FUS: variants seen among roughly 807,000 people sequenced by gnomAD.
FUS encodes FUS RNA binding protein.
A neutral mutation model predicts 82.7 loss-of-function variants in FUS; 5 were observed. The observed-to-expected ratio is 0.06, with a 90% confidence interval of 0.03 to 0.13. FUS has a LOEUF of 0.13. FUS is among the 10% of genes least tolerant of loss of function. The pLI, the probability that FUS is intolerant of heterozygous loss-of-function variation, is 1.00. For missense variants in FUS, 512 were observed against 707.8 expected (o/e 0.72, Z 3.14); for synonymous variants, 281 against 247.4 (o/e 1.14, Z -1.27).
chr16:31,189,884 T>G, intron 10 of FUS, 90 bp downstream of exon 10: 1 of 1,604,888 alleles, frequency 6.2e-7, no homozygotes. Flanking sequence ...TTCTTTTGAG[T>G]CTTCCAACAC....
intron 6 of FUS, 92 bp from the exon 7 acceptor site, chr16:31,186,710 C>T (rs1323821356): frequency 7.4e-6 from 9 of 1,217,886 alleles, no homozygotes; most frequent in South Asian, 7.3e-5. Context: ...AAAACACCTA[C>T]CCATGTTTGG....
In FUS at chr16:31,182,766, G is replaced by A. The variant is rs763161719; in HGVS notation, c.190+102G>A. Reference sequence around the variant, plus strand: ...GAGTCTGGTCCTGTTGCCCAGGCTGGAGTGCAGTGGTGCTGTCTCAGCTCA... The same window carrying A: ...GAGTCTGGTCCTGTTGCCCAGGCTGAAGTGCAGTGGTGCTGTCTCAGCTCA... On this transcript the variant is annotated intron_variant, in intron 3 of 14. Coordinates refer to ENST00000254108, the MANE Select transcript of FUS (RefSeq NM_004960.4). 2.8e-6 allele frequency: 4 copies of A among 1,420,980 alleles called. No homozygotes were observed. The South Asian group carries it at 3.5e-5, about 12-fold the overall frequency. 88.0% of individuals were successfully genotyped at this position (1,420,980 alleles called of 1,614,324 possible).
chr16:31,188,542 C>CT (rs1390818120), intron 8 of FUS, 185 bp downstream of exon 8: 1 of 692,598 alleles, frequency 1.4e-6, no homozygotes. Context: ...AAATACCTGG[C>CT]TTGTGGGTTC....
rs775706022 is a variant in FUS at position 31,189,833 on chromosome 16, A to G, written c.1066+39A>G. ...GGCTGGCAGAGGTGGGGCTGGGGAT[A>G]TAGGGCAGCAAGCCTTAGGAAACAA... On this transcript the variant is annotated intron_variant, in intron 10 of 14. Coordinates refer to ENST00000254108, the MANE Select transcript of FUS (RefSeq NM_004960.4). 2.5e-6 allele frequency: 4 copies of G among 1,613,406 alleles called. No homozygotes were observed. The South Asian group carries it at 3.3e-5, about 13-fold the overall frequency.
chr16:31,189,271 T>G (rs2079316595), intron 9 of FUS, 45 bp downstream of exon 9: 2 of 1,374,224 alleles, frequency 1.5e-6, no homozygotes, highest in Non-Finnish European at 2.1e-6. Flanking sequence ...TGTTGTAGGC[T>G]TGTGGATTTC....
rs2079251532 is a variant in FUS at position 31,185,292 on chromosome 16, C to T, written c.764+113C>T. The stretch of plus-strand genomic sequence containing the variant: ...TTTAGTATTCTTGTTGTCTAGGGAT[C>T]TGTGAGGGCTTTGATTTGGGGGCAG... On this transcript the variant is annotated intron_variant, in intron 6 of 14. Coordinates refer to ENST00000254108, the MANE Select transcript of FUS (RefSeq NM_004960.4). 3.1e-6 allele frequency: 4 copies of T among 1,282,510 alleles called. No homozygotes were observed. The South Asian group carries it at 6.2e-5, about 20-fold the overall frequency. The allele number at this position is 1,282,510 out of a possible 1,614,324, so 79.4% of individuals were successfully genotyped here. A position where few individuals can be genotyped will look rare whatever the true frequency, so the allele number is the denominator to read the frequency against.
rs967044306 is a variant in FUS at position 31,184,204 on chromosome 16, C to A, written c.336-5C>A. ...GTGATTGTGTTTTTTGTTTGTTTTC[C>A]CTAGTTACGGTAGCAGTTCTCAGAG... On this transcript the variant is annotated splice_polypyrimidine_tract_variant and splice_region_variant and intron_variant, in intron 4 of 14. Coordinates refer to ENST00000254108, the MANE Select transcript of FUS (RefSeq NM_004960.4). 2 of 1,614,066 alleles carry A rather than the reference C, an allele frequency of 1.2e-6. No homozygotes were observed. Among genetic ancestry groups the A allele is most frequent in the Non-Finnish European group, 1.7e-6 (2 of 1,180,022 alleles).
At chr16:31,193,972 T>C, downstream of FUS, 1 of 532,292 alleles carries the variant, frequency 1.9e-6, no homozygotes, top group South Asian at 1.5e-5. Flanking sequence ...TACTGAATGA[T>C]TGAAATCTGT....
At chr16:31,189,635 AT>A (rs1421142544) in intron 9 of FUS, 29 bp from the exon 10 acceptor site, 1 of 1,614,084 alleles carries the variant, frequency 6.2e-7, no homozygotes, top group South Asian at 1.1e-5. Context: ...AGCCTTTAAA[AT>A]TGATGTTACC....
At chr16:31,183,019 C>T (rs1379403112) in intron 3 of FUS, 1 of 355,268 alleles carries the variant, frequency 2.8e-6, no homozygotes, top group African/African-American at 2.1e-5. Flanking sequence ...TGTTGCTTTT[C>T]TTAAACCTGA....
At chr16:31,187,089 C>T (rs1397722678) in intron 7 of FUS, 1 of 567,758 alleles carries the variant, frequency 1.8e-6, no homozygotes, top group South Asian at 2.1e-5. Context: ...TCTAGTAGGC[C>T]TTGGACTGGG....
chr16:31,190,894 T>A, intron 13 of FUS, 52 bp downstream of exon 13: 1 of 1,612,896 alleles, frequency 6.2e-7, no homozygotes, highest in Non-Finnish European at 8.5e-7. Context: ...AATCCTTAAT[T>A]TTTCAGCGGG....
chr16:31,192,964 A>G (rs1567481534), downstream of FUS: 1 of 483,794 alleles, frequency 2.1e-6, no homozygotes, highest in Non-Finnish European at 4.1e-6. Context: ...CACAGAAACT[A>G]TGACTTTATT....
chr16:31,184,181 G>C, intron 4 of FUS, 28 bp from the exon 5 acceptor site: 1 of 1,614,172 alleles, frequency 6.2e-7, no homozygotes, highest in South Asian at 1.1e-5. Context: ...CTGGGATTGT[G>C]ATTGTGTTTT....
chr16:31,192,731 C>G, downstream of FUS: 1 of 481,210 alleles, frequency 2.1e-6, no homozygotes, highest in South Asian at 1.5e-5. Flanking sequence ...CCACCATGCC[C>G]ACCTAGTTTT....
intron 7 of FUS, chr16:31,187,239 C>T (rs931183195): frequency 6.3e-6 from 2 of 316,422 alleles, no homozygotes; most frequent in Non-Finnish European, 1.2e-5. Context: ...GTGTGGGAGA[C>T]AACTCCGAAT....
At chr16:31,184,504 CACAA>C in intron 5 of FUS, 108 bp downstream of exon 5, 6 of 1,115,142 alleles carry the variant, frequency 5.4e-6, no homozygotes, top group Admixed American at 4.4e-5. Context: ...AGTGCAGTGG[CACAA>C]TCTCGGCTCA....
At chr16:31,192,515 C>CAAAT (rs2079375272), downstream of FUS, 1 of 514,294 alleles carries the variant, frequency 1.9e-6, no homozygotes, top group Non-Finnish European at 3.8e-6. Context: ...GCATAGCTTA[C>CAAAT]AAATGTGCTG....
At chr16:31,191,360 A>AAT (rs751154676) in intron 14 of FUS, 39 bp from the exon 15 acceptor site, 2 of 1,611,980 alleles carry the variant, frequency 1.2e-6, no homozygotes, top group Admixed American at 1.7e-5. Context: ...TGGTAACTCA[A>AAT]ATATAATGGA....
Sources: allele counts gnomAD v4.1 joint callset, GRCh38; gene constraint gnomAD v4.1.1; transcripts MANE v1.5; gene names NCBI Gene and HGNC (gene_info 2026-07-23, HGNC 2026-07-21).